IQUB: variants seen among roughly 807,000 people sequenced by gnomAD.
IQUB encodes the protein IQ motif and ubiquitin-like domain-containing protein.
Under a neutral mutation model 86.4 loss-of-function variants are expected in IQUB, and 86 were observed. The ratio of observed to expected loss-of-function variants is 1.00; its 90% CI spans 0.84 to 1.19. The LOEUF (loss-of-function observed/expected upper bound fraction) is 1.19, where lower values mean the gene tolerates loss of function less well. Ranked by LOEUF, IQUB falls within the 50% of genes most tolerant of loss-of-function variation. The probability of loss-of-function intolerance (pLI) is 0.00; values close to 1 mark genes in which losing one functional copy is unlikely to be tolerated. For missense variants in IQUB, 946 were observed against 916.9 expected (o/e 1.03, Z -0.41); for synonymous variants, 289 against 304.5 (o/e 0.95, Z 0.53).
In IQUB at chr7:123,452,798, T is replaced by C. The variant is rs1459633537; in HGVS notation, c.2321A>G (p.Lys774Arg). The change falls in exon 13 of 13, where the codon AAG becomes AGG. Residue 774 changes from lysine (K) to arginine (R), a missense_variant. By Grantham distance (26) the Lys-to-Arg change is conservative. Coordinates refer to ENST00000324698, the MANE Select transcript of IQUB (RefSeq NM_178827.5). Reference sequence around the variant, plus strand: ...CTTAGGTGTTGTGTCTGAGTGATACTTCCATCTGATCTCATCAATTTCACC... The same window carrying C: ...CTTAGGTGTTGTGTCTGAGTGATACCTCCATCTGATCTCATCAATTTCACC... ...DDGEIDEIRW[K>R]YHSDTTPKII... 3 of 1,613,660 alleles carry C rather than the reference T, an allele frequency of 1.9e-6. No individual in the cohort carries two copies. Among genetic ancestry groups the C allele is most frequent in the Non-Finnish European group, 1.7e-6 (2 of 1,179,694 alleles).
chr7:123,500,097 G>C (rs1795873897), intron 6 of IQUB, among the ~76,000 whole-genome samples: 1 of 152,188 alleles, frequency 6.6e-6, no homozygotes, highest in Non-Finnish European at 1.5e-5. Flanking sequence ...TCCACCCCTT[G>C]TTTAGCATAT....
At chr7:123,459,082 G>T (rs940008180) in intron 11 of IQUB, among the ~76,000 whole-genome samples, 17 of 151,792 alleles carry the variant, frequency 1.1e-4, no homozygotes. Flanking sequence ...CAATTACAAG[G>T]GGGGGGAAGC....
intron 7 of IQUB, among the ~76,000 whole-genome samples, chr7:123,490,492 G>A (rs1210659772): frequency 6.6e-6 from 1 of 151,968 alleles, no homozygotes; most frequent in African/African-American, 2.4e-5. Flanking sequence ...ACAAATAAAT[G>A]GGAAATTTGT....
intron 1 of IQUB, among the ~76,000 whole-genome samples, chr7:123,525,182 C>T (rs1797133782): frequency 6.6e-6 from 1 of 152,072 alleles, no homozygotes; most frequent in Admixed American, 6.5e-5. Flanking sequence ...TGTGTCTCTG[C>T]CCAGCTTTGG....
Position 123,512,141 on chromosome 7 carries a change from C to G in IQUB, c.200G>C (p.Ser67Thr), listed in dbSNP as rs1021317421. ...ATTGTCTGGTTCCAGGCTTGAAAAG[C>G]TTTGGTCACTCTGCTCCTCAACATG... ...AIHVEEQSDQ[S>T]FSSLEPDNEQ... The change falls in exon 2 of 13, where the codon AGC (serine) becomes ACC (threonine). Residue 67 changes from serine to threonine, a missense_variant. Physicochemically the swap from Ser to Thr is moderately conservative, Grantham distance 58. Transcript: ENST00000324698. 1.2e-6 allele frequency: 2 copies of G among 1,614,004 alleles called. No individual in the cohort carries two copies. Among genetic ancestry groups the G allele is most frequent in the Non-Finnish European group, 8.5e-7 (1 of 1,179,958 alleles).
chr7:123,527,849 G>C (rs7791268), intron 1 of IQUB, among the ~76,000 whole-genome samples: 18,580 of 152,010 alleles, frequency 0.12, 1,310 homozygotes, highest in Admixed American at 0.19. Flanking sequence ...CCACCCAGTT[G>C]GAGCTTCCCA....
At chr7:123,532,469 G>A (rs1797576791) in intron 1 of IQUB, 1 of 152,150 alleles carries the variant, frequency 6.6e-6, no homozygotes, top group Non-Finnish European at 1.5e-5. Context: ...CTGGGATCAG[G>A]ATAGTTATCT....
At chr7:123,532,852 G>A (rs1456690033) in intron 1 of IQUB, 2 of 152,360 alleles carry the variant, frequency 1.3e-5, no homozygotes, top group Non-Finnish European at 2.9e-5. Context: ...GGGGTCGGAA[G>A]CCGTGCCATG....
At chr7:123,480,944 C>T (rs1002457473) in intron 7 of IQUB, among the ~76,000 whole-genome samples, 13 of 152,064 alleles carry the variant, frequency 8.5e-5, no homozygotes, top group African/African-American at 2.9e-4. Flanking sequence ...TAGATACATG[C>T]ATTTTACCAA....
Position 123,457,433 on chromosome 7 carries a change from A to C in IQUB, c.2141T>G (p.Leu714Arg), listed in dbSNP as rs1304088345. The change falls in exon 12 of 13, where the codon CTT becomes CGT. Residue 714 changes from leucine (L) to arginine (R), a missense_variant. Physicochemically the swap from Leu to Arg is moderately radical, Grantham distance 102 (BLOSUM62 -2). Transcript: ENST00000324698. ...SLEWSPWNCI[L>R]LTKDEAAAHL... ...AGCAGCTGCTTCATCTTTGGTAAGA[A>C]GAATGCAGTTCCAGGGGGACCACTC... 6.8e-6 allele frequency: 11 copies of C among 1,612,502 alleles called. No individual in the cohort carries two copies. The highest frequency in any genetic ancestry group is 8.5e-6 in the Non-Finnish European group (10 of 1,179,178).
In IQUB at chr7:123,496,835, T is replaced by C. The variant is rs149885327; in HGVS notation, c.1095A>G (p.Lys365=). The change falls in exon 7 of 13, where the codon AAA becomes AAG. Residue 365 remains lysine, a synonymous_variant. Coordinates refer to ENST00000324698, the MANE Select transcript of IQUB (RefSeq NM_178827.5). ...GTGTTTCCCATTCCAGTCTTAAGCT[T>C]TTCTGTCTTCTTAAATTCTCTACGA... ...KIFVENLRRQ[K]SLRLEWETQQ... The C allele has an allele frequency of 4.5e-5, 73 of 1,612,812 alleles. 1 individual carries two copies. Among genetic ancestry groups the C allele is most frequent in the Non-Finnish European group, 5.9e-5 (70 of 1,179,466 alleles).
intron 6 of IQUB, among the ~76,000 whole-genome samples, chr7:123,497,319 C>T (rs1343172460): frequency 1.3e-5 from 2 of 152,040 alleles, no homozygotes; most frequent in African/African-American, 4.8e-5. Context: ...ATCATGAGTC[C>T]TCAATAAATA....
intron 7 of IQUB, among the ~76,000 whole-genome samples, chr7:123,481,213 T>C (rs1044214428): frequency 2.0e-5 from 3 of 152,114 alleles, no homozygotes; most frequent in African/African-American, 7.2e-5. Context: ...CACATGGTAT[T>C]CCTTTAGGTA....
intron 8 of IQUB, among the ~76,000 whole-genome samples, chr7:123,470,851 A>G (rs1480268848): frequency 6.9e-6 from 1 of 145,124 alleles, no homozygotes; most frequent in Non-Finnish European, 1.5e-5. Context: ...ACTCTGTCTC[A>G]AAAAAAAAAA....
chr7:123,467,169 A>G (rs1271734923), intron 9 of IQUB, among the ~76,000 whole-genome samples: 3 of 151,740 alleles, frequency 2.0e-5, no homozygotes, highest in African/African-American at 7.3e-5. Flanking sequence ...TGTAAGCTCA[A>G]TATTTCCTTT....
Position 123,461,379 on chromosome 7 carries a change from G to GAATC in IQUB, c.1981_1984dup (p.Ser662Ter). On this transcript the variant is annotated stop_gained and frameshift_variant, in exon 11 of 13. Transcript: ENST00000324698. LOFTEE classifies it high-confidence loss of function. The stretch of plus-strand genomic sequence containing the variant: ...TACCTGCATCAAGAAAGCAATTTTA[G>GAATC]AATCATCTTCATAATCAGCTTCTGT... 6.2e-7 allele frequency: 1 copy of GAATC among 1,606,754 alleles called. No homozygotes were observed. The highest frequency in any genetic ancestry group is 8.5e-7 in the Non-Finnish European group (1 of 1,174,474).
intron 7 of IQUB, among the ~76,000 whole-genome samples, chr7:123,486,852 G>T (rs189985180): frequency 7.5e-6 from 1 of 134,058 alleles, no homozygotes; most frequent in East Asian, 2.3e-4. Flanking sequence ...AAGGACCTTA[G>T]TTGTGTGCAG....
At chr7:123,523,753 G>A (rs1797031384) in intron 1 of IQUB, among the ~76,000 whole-genome samples, 1 of 152,088 alleles carries the variant, frequency 6.6e-6, no homozygotes. Flanking sequence ...ATTGCTTTTG[G>A]TGTTTTAGAC....
intron 7 of IQUB, among the ~76,000 whole-genome samples, chr7:123,492,285 CAA>C (rs1584599809): frequency 6.6e-6 from 1 of 152,126 alleles, no homozygotes; most frequent in African/African-American, 2.4e-5. Context: ...GTGTTTTCAA[CAA>C]ATGCTAAAGG....
Sources: gnomAD v4.1 joint callset for allele counts (sites outside exome capture counted in the v4.1 genomes callset) on GRCh38, gnomAD v4.1.1 for gene constraint, MANE v1.5 for transcripts, NCBI Gene and HGNC (gene_info 2026-07-23, HGNC 2026-07-21) for gene names.